Variants in CHST15 observed in about 807,000 individuals in gnomAD.
CHST15 encodes B cell RAG associated protein (GALNAC4S-6ST).
Under a neutral mutation model 53.6 loss-of-function variants are expected in CHST15, and 30 were observed. The observed-to-expected ratio is 0.56, with a 90% confidence interval of 0.42 to 0.76. CHST15 has a LOEUF of 0.76. CHST15 is among the 30% of genes least tolerant of loss of function. The pLI, the probability that CHST15 is intolerant of heterozygous loss-of-function variation, is 0.00. For synonymous variants in CHST15, 296 were observed against 289.8 expected (o/e 1.02, Z -0.22); for missense variants, 627 against 740.5 (o/e 0.85, Z 1.78).
chr10:124,010,141 T>C lies in CHST15; in HGVS notation c.*8A>G, dbSNP rs1302335488. 1.9e-6 allele frequency: 3 copies of C among 1,612,228 alleles called. No homozygotes were observed. The highest frequency in any genetic ancestry group is 2.5e-6 in the Non-Finnish European group (3 of 1,180,030). On this transcript the variant is annotated 3_prime_UTR_variant, in exon 8 of 8. Coordinates refer to ENST00000435907, the MANE Select transcript of CHST15 (RefSeq NM_001270764.2). ...GCGGGCCCAGCACGTGCAGCAACAA[T>C]TCAGCTCTCACGTCGTCTTCCACGC...
At chr10:124,042,996 TA>T (rs1398713515) in intron 3 of CHST15, among the ~76,000 whole-genome samples, 1 of 152,142 alleles carries the variant, frequency 6.6e-6, no homozygotes, top group Non-Finnish European at 1.5e-5. Flanking sequence ...GTCCAAACAG[TA>T]AGGGGAACTG....
rs999023196 is a variant in CHST15, at chr10:124,036,228, C to G, written c.1190+2287G>C. ...TGACAGTTATGTCACCATGAGAGCT[C>G]GGCTAGTGTGCGTCAGCCCTGCTGG... On this transcript the variant is annotated intron_variant, in intron 5 of 7. Transcript: ENST00000435907. This position sits in a 1 kb window ranked among gnomAD's most constrained non-coding sequence, Gnocchi z 5.1. Among the ~76,000 whole-genome samples, 7 of 152,170 alleles carry G rather than the reference C, an allele frequency of 4.6e-5. No individual in the cohort carries two copies. The highest frequency in any genetic ancestry group is 7.3e-5 in the Non-Finnish European group (5 of 68,038).
chr10:124,089,051 ACACT>A (rs1454131988), intron 1 of CHST15, among the ~76,000 whole-genome samples: 1 of 152,208 alleles, frequency 6.6e-6, no homozygotes, highest in East Asian at 1.9e-4. Context: ...AGCAGTGGAA[ACACT>A]CAGCCTCCCA....
chr10:124,082,834 T>A (rs774090699), intron 1 of CHST15, among the ~76,000 whole-genome samples: 32 of 152,228 alleles, frequency 2.1e-4, no homozygotes, highest in Non-Finnish European at 2.9e-4. Context: ...TCATTCTATG[T>A]GATTCTGCTC....
chr10:124,042,199 T>A, intron 4 of CHST15, 102 bp downstream of exon 4: 3 of 1,239,230 alleles, frequency 2.4e-6, no homozygotes, highest in African/African-American at 1.5e-5. Context: ...GCTGCCACCA[T>A]GTAAATGTTC....
At chr10:124,077,552 G>A (rs1949117782) in intron 1 of CHST15, among the ~76,000 whole-genome samples, 1 of 152,160 alleles carries the variant, frequency 6.6e-6, no homozygotes, top group Admixed American at 6.5e-5. Context: ...GTTGAGTGAT[G>A]TGCTCTGTCC....
chr10:124,082,670 G>A (rs1590368956), intron 1 of CHST15, among the ~76,000 whole-genome samples: 1 of 152,314 alleles, frequency 6.6e-6, no homozygotes, highest in Non-Finnish European at 1.5e-5. Context: ...CCACCCAAAT[G>A]TCTATCAATG....
chr10:124,012,464 C>G lies in CHST15; in HGVS notation c.1364G>C (p.Gly455Ala). 2 of 1,613,472 alleles carry G rather than the reference C, an allele frequency of 1.2e-6. No homozygotes were observed. The highest frequency in any genetic ancestry group is 1.7e-6 in the Non-Finnish European group (2 of 1,179,572). The part of the protein sequence containing the change: ...NNAMPVRLQV[G>A]LYAVYLLDWL... Reference sequence around the variant, plus strand: ...GTCCAGAAGGTACACAGCATAGAGCCCAACCTGGAGCCTCACCTAGGACCA... The same window carrying G: ...GTCCAGAAGGTACACAGCATAGAGCGCAACCTGGAGCCTCACCTAGGACCA... The change falls in exon 7 of 8, where the codon GGG becomes GCG. Residue 455 changes from glycine to alanine, a missense_variant. By Grantham distance (60) the Gly-to-Ala change is moderately conservative. This residue lies in a region of CHST15 where 279 missense variants were observed against 371.6 expected (regional missense o/e 0.75). Transcript: ENST00000435907.
intron 1 of CHST15, among the ~76,000 whole-genome samples, chr10:124,047,333 T>TA (rs1346840029): frequency 2.0e-5 from 3 of 152,326 alleles, no homozygotes; most frequent in East Asian, 1.9e-4. Flanking sequence ...TGTATCATAT[T>TA]AAAAAACTAC....
At chr10:124,050,442 T>C (rs1273217178) in intron 1 of CHST15, among the ~76,000 whole-genome samples, 1 of 152,240 alleles carries the variant, frequency 6.6e-6, no homozygotes, top group Non-Finnish European at 1.5e-5. Flanking sequence ...TTGGAATTCT[T>C]TGTGCCGTCC....
intron 1 of CHST15, among the ~76,000 whole-genome samples, chr10:124,073,410 G>A (rs1948981013): frequency 6.6e-6 from 1 of 152,212 alleles, no homozygotes; most frequent in South Asian, 2.1e-4. Flanking sequence ...TTGCATGGGT[G>A]CTGAGAGGTG....
chr10:124,011,942 A>C, intron 7 of CHST15: 1 of 798,854 alleles, frequency 1.3e-6, no homozygotes, highest in Non-Finnish European at 1.5e-6. Flanking sequence ...CTTTCCTTCC[A>C]TGAAGCCTTC....
rs80123930 is a variant in CHST15 at position 124,010,455 on chromosome 10, A to G, written c.1496-116T>C. 6.2e-3 allele frequency: 8,717 copies of G among 1,405,758 alleles called. 213 individuals are homozygous for G. The highest frequency in any genetic ancestry group is 0.061 in the African/African-American group (4,164 of 68,316). The allele number at this position is 1,405,758 out of a possible 1,614,324, so 87.1% of individuals were successfully genotyped here. On this transcript the variant is annotated intron_variant, in intron 7 of 7. Coordinates refer to ENST00000435907, the MANE Select transcript of CHST15 (RefSeq NM_001270764.2). ...AGACAGGAGTTTCCTTTAAGAGAAC[A>G]TATTTAGGGATTAAAATTCTTTGGC...
rs1425774209 is a variant in CHST15, at chr10:124,036,331, G to A, written c.1190+2184C>T. ...CAGCAGGTGGGACATGGCAAGGGAC[G>A]GCAAGTCAGTGCCTGCCTCAGAACA... On this transcript the variant is annotated intron_variant, in intron 5 of 7. Coordinates refer to ENST00000435907, the MANE Select transcript of CHST15 (RefSeq NM_001270764.2). The surrounding 1 kb of genome is among the most constrained non-coding windows in gnomAD (Gnocchi z 5.1). 2.0e-5 allele frequency among the ~76,000 whole-genome samples: 3 copies of A among 152,216 alleles called. No homozygotes were observed. Among genetic ancestry groups the A allele is most frequent in the Non-Finnish European group, 2.9e-5 (2 of 68,030 alleles).
chr10:124,028,674 G>T (rs866011476), intron 5 of CHST15, among the ~76,000 whole-genome samples: 25 of 152,324 alleles, frequency 1.6e-4, no homozygotes, highest in African/African-American at 5.8e-4. Flanking sequence ...GCACCCAAAC[G>T]CACAAGCTTC....
chr10:124,083,060 T>C (rs1949302754), intron 1 of CHST15, among the ~76,000 whole-genome samples: 1 of 152,242 alleles, frequency 6.6e-6, no homozygotes, highest in Non-Finnish European at 1.5e-5. Context: ...TGGAATTGTA[T>C]ACTTTGGGTG....
chr10:124,020,449 C>T (rs1946733492), intron 6 of CHST15: 2 of 985,530 alleles, frequency 2.0e-6, no homozygotes, highest in Middle Eastern at 5.2e-4. Flanking sequence ...ACCTGCTGCC[C>T]CTGCATGCTG....
intron 1 of CHST15, among the ~76,000 whole-genome samples, chr10:124,056,647 G>A (rs1385993289): frequency 6.6e-6 from 1 of 152,212 alleles, no homozygotes; most frequent in East Asian, 1.9e-4. Flanking sequence ...CAATGGACAG[G>A]AATGGAACTG....
At position 124,044,477 on chromosome 10, in the gene CHST15, T is replaced by A. The variant is rs1040040844; in HGVS notation, c.886+103A>T. On this transcript the variant is annotated intron_variant, in intron 3 of 7. Transcript: ENST00000435907. ...CTCCTAACAAGGGAATTGTGCCATCTCTTTCTGCCGCCCTCGCCCCCCAAC... is the reference window on the plus strand; with the variant it reads ...CTCCTAACAAGGGAATTGTGCCATCACTTTCTGCCGCCCTCGCCCCCCAAC... 4.2e-6 allele frequency: 4 copies of A among 958,642 alleles called. No individual in the cohort carries two copies. In the African/African-American group the frequency reaches 5.1e-5, roughly 12 times the overall value. 59.4% of individuals were successfully genotyped at this position (958,642 alleles called of 1,614,324 possible).
Sources: gnomAD v4.1 joint callset for allele counts (sites outside exome capture counted in the v4.1 genomes callset) on GRCh38, gnomAD v4.1.1 for gene constraint, gnomAD v4.1.1 regional missense constraint, Gnocchi (gnomAD v3.1) non-coding constraint, MANE v1.5 for transcripts, NCBI Gene and HGNC (gene_info 2026-07-23, HGNC 2026-07-21) for gene names.